PALM2AKAP2: variants seen among roughly 807,000 people sequenced by gnomAD.
PALM2AKAP2 encodes PALM2 and AKAP2 fusion, also known as PALM2-AKAP2 fusion protein.
In PALM2AKAP2, 37 loss-of-function variants were observed where a neutral mutation model predicts 71.5. That is an observed-to-expected ratio of 0.52 (90% CI 0.40 to 0.68). PALM2AKAP2 has a LOEUF of 0.68. Ranked by LOEUF, PALM2AKAP2 falls within the 30% of genes least tolerant of loss-of-function variation. The probability of loss-of-function intolerance (pLI) is 0.00; values close to 1 mark genes in which losing one functional copy is unlikely to be tolerated. For missense variants in PALM2AKAP2, 1,224 were observed against 1,191.8 expected, an observed-to-expected ratio of 1.03 and a Z score of -0.40; for synonymous variants, 468 against 478.8, an observed-to-expected ratio of 0.98 and a Z score of 0.29.
At chr9:110,113,892 G>A (rs773259511) in intron 1 of PALM2AKAP2, among the ~76,000 whole-genome samples, 12 of 152,096 alleles carry the variant, frequency 7.9e-5, no homozygotes, top group East Asian at 1.9e-4. Context: ...GAGAAGGCTC[G>A]AAAAATGCTA....
chr9:109,766,093 A>G (rs1587899711), intron 1 of PALM2AKAP2, among the ~76,000 whole-genome samples: 2 of 152,328 alleles, frequency 1.3e-5, no homozygotes, highest in East Asian at 1.9e-4. Flanking sequence ...GTGTACATGC[A>G]TTACCTTCCC....
chr9:110,006,342 C>CTTTCTT (rs1564256286), intron 6 of PALM2AKAP2, among the ~76,000 whole-genome samples: 3 of 129,436 alleles, frequency 2.3e-5, no homozygotes, highest in African/African-American at 6.1e-5. Context: ...TTCTTTCTTT[C>CTTTCTT]TTTCTTTCTT....
At chr9:109,943,127 T>C (rs1416221079) in intron 6 of PALM2AKAP2, 3 of 1,614,132 alleles carry the variant, frequency 1.9e-6, no homozygotes, top group Non-Finnish European at 2.5e-6. Flanking sequence ...GTCACCATGA[T>C]TTTTATGGGC....
chr9:110,119,995 C>G (rs1023803538), intron 1 of PALM2AKAP2, among the ~76,000 whole-genome samples: 2 of 152,100 alleles, frequency 1.3e-5, no homozygotes, highest in African/African-American at 4.8e-5. Flanking sequence ...CTGTCGGATG[C>G]CAAAGTTGAT....
chr9:109,641,530 A>C (rs1015104376), intron 1 of PALM2AKAP2, among the ~76,000 whole-genome samples: 2 of 152,166 alleles, frequency 1.3e-5, no homozygotes, highest in Non-Finnish European at 2.9e-5. Flanking sequence ...AAAGACATTA[A>C]ATAAAGGGCT....
rs79014614 is a variant in PALM2AKAP2 at position 109,833,836 on chromosome 9, C to T, written c.46-33655C>T. Among the ~76,000 whole-genome samples the T allele has an allele frequency of 9.5e-3, 1,443 of 152,290 alleles. 7 individuals are homozygous for T. Among genetic ancestry groups the T allele is most frequent in the Non-Finnish European group, 0.014 (967 of 68,022 alleles). On this transcript the variant is annotated intron_variant, in intron 1 of 9. Coordinates refer to the PALM2AKAP2 transcript ENST00000302798. ...CTGCCCCAAGTTGAGAGCCTCTGTC[C>T]GGTTTAGGTCTTTCTCCTCAGTCCA...
At chr9:109,888,589 A>G (rs552390640) in intron 3 of PALM2AKAP2, among the ~76,000 whole-genome samples, 36 of 152,092 alleles carry the variant, frequency 2.4e-4, no homozygotes, top group African/African-American at 8.7e-4. Context: ...AGGCGCTTGT[A>G]ATCCCAGCTA....
exon 4 of PALM2AKAP2, chr9:110,169,700 A>G (rs1043528177): frequency 2.6e-5 from 4 of 152,552 alleles, no homozygotes; most frequent in Non-Finnish European, 5.9e-5. Context: ...TAGAATAGAA[A>G]TAAGTGCAGG....
chr9:109,808,071 G>C (rs1248867805), intron 1 of PALM2AKAP2, among the ~76,000 whole-genome samples: 1 of 152,148 alleles, frequency 6.6e-6, no homozygotes, highest in Non-Finnish European at 1.5e-5. Flanking sequence ...TCTCAGGTAC[G>C]TCTTTATTAG....
chr9:109,959,281 AT>A (rs1831807387), intron 6 of PALM2AKAP2, among the ~76,000 whole-genome samples: 1 of 152,154 alleles, frequency 6.6e-6, no homozygotes, highest in African/African-American at 2.4e-5. Context: ...CTGCTCTTTA[AT>A]AGCTCTGTGT....
chr9:110,083,487 A>T (rs1834493257), intron 1 of PALM2AKAP2, among the ~76,000 whole-genome samples: 1 of 152,214 alleles, frequency 6.6e-6, no homozygotes, highest in Non-Finnish European at 1.5e-5. Flanking sequence ...CTTTAGATGA[A>T]TCAGTTGGTT....
At chr9:109,680,448 T>C (rs1227049055) in intron 1 of PALM2AKAP2, among the ~76,000 whole-genome samples, 8 of 152,182 alleles carry the variant, frequency 5.3e-5, no homozygotes, top group Non-Finnish European at 8.8e-5. Context: ...AGGTCTCAAA[T>C]GTGTGTTAAG....
chr9:109,726,266 C>T (rs1828475193), intron 1 of PALM2AKAP2, among the ~76,000 whole-genome samples: 1 of 152,190 alleles, frequency 6.6e-6, no homozygotes. Flanking sequence ...TGACTGAAAG[C>T]AGCAGGTGCC....
At chr9:109,732,247 G>A (rs934402127) in intron 1 of PALM2AKAP2, among the ~76,000 whole-genome samples, 23 of 152,214 alleles carry the variant, frequency 1.5e-4, no homozygotes. Flanking sequence ...AAAGCTCTCA[G>A]GTATATTGCC....
At chr9:109,816,144 C>T (rs1331205593) in intron 1 of PALM2AKAP2, among the ~76,000 whole-genome samples, 1 of 152,152 alleles carries the variant, frequency 6.6e-6, no homozygotes, top group African/African-American at 2.4e-5. Flanking sequence ...AGGTTGGAGA[C>T]CACAGATTTG....
At chr9:110,156,667 T>C (rs1002554133) in intron 3 of PALM2AKAP2, among the ~76,000 whole-genome samples, 170 bp downstream of exon 9, 2 of 152,178 alleles carry the variant, frequency 1.3e-5, no homozygotes, top group African/African-American at 4.8e-5. Context: ...GTTTGGGTTT[T>C]TGCCTGTTTC....
intron 1 of PALM2AKAP2, among the ~76,000 whole-genome samples, chr9:109,770,726 G>A (rs992739058): frequency 4.6e-5 from 7 of 152,184 alleles, no homozygotes. Flanking sequence ...TGCCACTCAG[G>A]AGTTTTTACT....
intron 6 of PALM2AKAP2, among the ~76,000 whole-genome samples, chr9:109,982,384 T>A (rs1279403274): frequency 6.6e-6 from 1 of 152,162 alleles, no homozygotes; most frequent in South Asian, 2.1e-4. Context: ...GAATAAGATC[T>A]AATATTTGAT....
intron 1 of PALM2AKAP2, among the ~76,000 whole-genome samples, chr9:109,843,273 A>ACC (rs1271379238): frequency 7.2e-6 from 1 of 138,940 alleles, no homozygotes. Flanking sequence ...CCGCACTCTA[A>ACC]CCTGGGCCAC....
Sources: allele counts gnomAD v4.1 joint callset (sites outside exome capture counted in the v4.1 genomes callset), GRCh38; gene constraint gnomAD v4.1.1; transcripts MANE v1.5; gene names NCBI Gene and HGNC (gene_info 2026-07-23, HGNC 2026-07-21).